The following ZNF638 variants were observed in gnomAD, a reference collection of about 807,000 sequenced individuals.
ZNF638 encodes the protein CTCL tumor antigen se33-1.
Under a neutral mutation model 195.6 loss-of-function variants are expected in ZNF638, and 46 were observed. The observed-to-expected ratio is 0.24, with a 90% CI of 0.19 to 0.30. The LOEUF is 0.30. Among genes scored for constraint, ZNF638 ranks in the 10% least tolerant of loss-of-function variants. The pLI, the probability that ZNF638 is intolerant of heterozygous loss-of-function variation, is 1.00. For synonymous variants in ZNF638, 845 were observed against 772.0 expected, an observed-to-expected ratio of 1.09 and a Z score of -1.57; for missense variants, 2,440 against 2,325.3, an observed-to-expected ratio of 1.05 and a Z score of -1.01.
At position 71,369,649 on chromosome 2, in the gene ZNF638, AT is replaced by A. The variant is rs887109249; in HGVS notation, c.2143-225del. Among the ~76,000 whole-genome samples, 7 of 151,456 alleles carry A rather than the reference AT, an allele frequency of 4.6e-5. No homozygotes were observed. The South Asian group carries it at 8.4e-4, about 18-fold the overall frequency. ...CCTCTTCTTCCATGAGCCTGCCTGG[AT>A]TTTTTTTTATCTTGGTAGTGGTATA... On this transcript the variant is annotated intron_variant, in intron 7 of 27. Coordinates refer to ENST00000264447, the MANE Select transcript of ZNF638 (RefSeq NM_014497.5).
chr2:71,349,548 A>C lies in ZNF638; in HGVS notation c.594A>C (p.Thr198=), dbSNP rs371920105. The change falls in exon 2 of 28, where the codon ACA becomes ACC. Residue 198 remains threonine, a synonymous_variant. Coordinates refer to ENST00000264447, the MANE Select transcript of ZNF638 (RefSeq NM_014497.5). ...NLPSQSRNKE[T]LGSEAVSSNV... Reference sequence around the variant, plus strand: ...CTTCTCAGAGCAGAAATAAAGAAACACTTGGTAGTGAAGCAGTTTCAAGTA... The same window carrying C: ...CTTCTCAGAGCAGAAATAAAGAAACCCTTGGTAGTGAAGCAGTTTCAAGTA... 9.9e-6 allele frequency: 16 copies of C among 1,614,064 alleles called. No homozygotes were observed. Among genetic ancestry groups the C allele is most frequent in the Non-Finnish European group, 1.4e-5 (16 of 1,180,044 alleles).
At chr2:71,383,275 A>T (rs2079566676) in intron 10 of ZNF638, among the ~76,000 whole-genome samples, 1 of 152,170 alleles carries the variant, frequency 6.6e-6, no homozygotes, top group Non-Finnish European at 1.5e-5. Context: ...AGATCGTGCC[A>T]CTGCACTCCA....
chr2:71,399,534 T>A, intron 12 of ZNF638, 25 bp from the exon 13 acceptor site: 1 of 1,544,154 alleles, frequency 6.5e-7, no homozygotes, highest in Non-Finnish European at 8.9e-7. Context: ...ACCTTTAGAA[T>A]AATGGCTGAC....
At chr2:71,353,954 A>G (rs1295450672) in intron 2 of ZNF638, among the ~76,000 whole-genome samples, 1 of 152,244 alleles carries the variant, frequency 6.6e-6, no homozygotes, top group African/African-American at 2.4e-5. Context: ...AACAGGATGT[A>G]CAAACATTTC....
chr2:71,364,023 TAGA>T lies in ZNF638; in HGVS notation c.1492_1494del (p.Arg498del). On this transcript the variant is annotated inframe_deletion, in exon 5 of 28. Coordinates refer to ENST00000264447, the MANE Select transcript of ZNF638 (RefSeq NM_014497.5). ...CTCATTCCCCCAGTCCTAGGCGTTC[TAGA>T]AGATCAAGCTCAAGTCACAGATTCC... The T allele has an allele frequency of 6.2e-7, 1 of 1,614,218 alleles. No individual in the cohort carries two copies. Among genetic ancestry groups the T allele is most frequent in the Non-Finnish European group, 8.5e-7 (1 of 1,180,028 alleles).
Position 71,398,783 on chromosome 2 carries a change from TG to T in ZNF638, c.2500+15del. 6.3e-7 allele frequency: 1 copy of T among 1,597,184 alleles called. No individual in the cohort carries two copies. The highest frequency in any genetic ancestry group is 8.6e-7 in the Non-Finnish European group (1 of 1,168,870). On this transcript the variant is annotated intron_variant, in intron 12 of 27. Transcript: ENST00000264447. ...CTTCAATCAAAACAGGTAAGACTAT[TG>T]GGGAGGAGAGATTTTATTGTTTATT...
At position 71,331,805 on chromosome 2, in the gene ZNF638, C is replaced by T. The variant is rs899842651; in HGVS notation, c.-273C>T. On this transcript the variant is annotated 5_prime_UTR_variant, in exon 1 of 28. Coordinates refer to ENST00000264447, the MANE Select transcript of ZNF638 (RefSeq NM_014497.5). The stretch of plus-strand genomic sequence containing the variant: ...TTGGAGGCGGTAGCGTTTTCGGCGT[C>T]GAGACTGGAGGCTGAGTGCTAAACT... 12 of 985,880 alleles carry T rather than the reference C, an allele frequency of 1.2e-5. No homozygotes were observed. Among genetic ancestry groups the T allele is most frequent in the African/African-American group, 8.7e-5 (5 of 57,232 alleles). The allele number at this position is 985,880 out of a possible 1,614,324, so 61.1% of individuals were successfully genotyped here. A position where few individuals can be genotyped will look rare whatever the true frequency, so the allele number is the denominator to read the frequency against.
intron 26 of ZNF638, among the ~76,000 whole-genome samples, chr2:71,432,807 G>A (rs576913286): frequency 2.0e-5 from 3 of 152,172 alleles, no homozygotes; most frequent in Non-Finnish European, 4.4e-5. Context: ...ATTGATGAAG[G>A]CCAGTTGTGG....
chr2:71,431,217 A>G (rs2080650794), intron 25 of ZNF638, 110 bp from the exon 26 acceptor site: 2 of 860,860 alleles, frequency 2.3e-6, no homozygotes, highest in Admixed American at 5.4e-5. Context: ...AGATGGGATT[A>G]ACAAAGGGAG....
chr2:71,353,965 T>C (rs2078983173), intron 2 of ZNF638, among the ~76,000 whole-genome samples: 1 of 152,228 alleles, frequency 6.6e-6, no homozygotes, highest in Admixed American at 6.5e-5. Flanking sequence ...CAAACATTTC[T>C]TTTTTGTAGT....
At chr2:71,433,324 T>G (rs1311901805) in intron 27 of ZNF638, 41 bp downstream of exon 27, 1 of 1,394,120 alleles carries the variant, frequency 7.2e-7, no homozygotes, top group Non-Finnish European at 1.0e-6. Context: ...GGTGTTGTTA[T>G]TGTCTTAGAA....
chr2:71,388,002 G>A (rs753499033), intron 10 of ZNF638, among the ~76,000 whole-genome samples: 4 of 151,918 alleles, frequency 2.6e-5, no homozygotes, highest in African/African-American at 4.8e-5. Flanking sequence ...ATATGAAGAC[G>A]GATACAACTA....
At position 71,427,231 on chromosome 2, in the gene ZNF638, A is replaced by G. The variant is rs1167694423; in HGVS notation, c.5362A>G (p.Asn1788Asp). The G allele has an allele frequency of 1.2e-6, 2 of 1,612,608 alleles. No homozygotes were observed. The highest frequency in any genetic ancestry group is 2.2e-5 in the East Asian group (1 of 44,860). The change falls in exon 24 of 28, where the codon AAT becomes GAT. Residue 1788 changes from asparagine (N) to aspartate (D), a missense_variant. Coordinates refer to ENST00000264447, the MANE Select transcript of ZNF638 (RefSeq NM_014497.5). ...AGTTGGAGAGGAGGAAGATGGAGAT[A>G]ATGATTTAAAAGTTGAGTTAGCACA... is the stretch of plus-strand genomic sequence containing the variant. ...DEVGEEEDGDNDLKVELAQSK... is the reference protein window; with the variant it reads ...DEVGEEEDGDDDLKVELAQSK...
In ZNF638 at chr2:71,348,988, T is replaced by C. The variant is rs1223033506; in HGVS notation, c.34T>C (p.Phe12Leu). 6.2e-7 allele frequency: 1 copy of C among 1,614,132 alleles called. No individual in the cohort carries two copies. The highest frequency in any genetic ancestry group is 1.1e-5 in the South Asian group (1 of 91,078). ...SRPRFNPRGD[F>L]PLQRPRAPNP... Reference sequence around the variant, plus strand: ...ACCCAGGTTTAATCCTCGAGGAGACTTTCCACTTCAAAGGCCACGAGCACC... The same window carrying C: ...ACCCAGGTTTAATCCTCGAGGAGACCTTCCACTTCAAAGGCCACGAGCACC... The change falls in exon 2 of 28, where the codon TTT becomes CTT. Residue 12 changes from phenylalanine (F) to leucine (L), a missense_variant. By Grantham distance (22) the Phe-to-Leu change is conservative. Coordinates refer to ENST00000264447, the MANE Select transcript of ZNF638 (RefSeq NM_014497.5).
chr2:71,341,026 G>A (rs997822124), intron 1 of ZNF638, among the ~76,000 whole-genome samples: 9 of 152,154 alleles, frequency 5.9e-5, no homozygotes, highest in African/African-American at 2.2e-4. Context: ...GATAAAGTCT[G>A]CCCATATCTG....
At chr2:71,347,961 G>A (rs1425362022) in intron 1 of ZNF638, among the ~76,000 whole-genome samples, 1 of 152,176 alleles carries the variant, frequency 6.6e-6, no homozygotes, top group East Asian at 1.9e-4. Context: ...CAGGACTGTT[G>A]TGAGCATCAA....
intron 6 of ZNF638, among the ~76,000 whole-genome samples, chr2:71,366,640 TCAC>T (rs1054107708): frequency 1.4e-4 from 22 of 152,334 alleles, no homozygotes; most frequent in Admixed American, 5.2e-4. Flanking sequence ...AAATGAATAA[TCAC>T]CAGCAGCATT....
At position 71,365,414 on chromosome 2, in the gene ZNF638, A is replaced by G. The variant is rs780311101; in HGVS notation, c.1718-15A>G. 6.5e-6 allele frequency: 10 copies of G among 1,549,670 alleles called. No homozygotes were observed. The East Asian group carries it at 2.1e-4, about 33-fold the overall frequency. ...TTTTTTTCCAATTGAAATTATATTT[A>G]TATCTTTTTACTAGATAGAAAAAAA... On this transcript the variant is annotated splice_polypyrimidine_tract_variant and intron_variant, in intron 5 of 27. Transcript: ENST00000264447.
intron 8 of ZNF638, among the ~76,000 whole-genome samples, chr2:71,377,830 T>C (rs1209789078): frequency 2.6e-5 from 4 of 152,236 alleles, no homozygotes; most frequent in South Asian, 2.1e-4. Context: ...GGGCACCTTA[T>C]AGTGATCTAG....
Sources: gnomAD v4.1 joint callset for allele counts (sites outside exome capture counted in the v4.1 genomes callset) on GRCh38, gnomAD v4.1.1 for gene constraint, MANE v1.5 for transcripts, NCBI Gene and HGNC (gene_info 2026-07-23, HGNC 2026-07-21) for gene names.